Variants in MYO7A observed in about 807,000 individuals in gnomAD.
The protein encoded by MYO7A is myosin VIIA.
Under a neutral mutation model 263.8 loss-of-function variants are expected in MYO7A, and 210 were observed. The observed-to-expected ratio is 0.80, with a 90% CI of 0.71 to 0.89. The LOEUF is 0.89. Among genes scored for constraint, MYO7A ranks in the 40% least tolerant of loss-of-function variants. The pLI is 0.00. For synonymous variants in MYO7A, 1,239 were observed against 1,197.3 expected, an observed-to-expected ratio of 1.03 and a Z score of -0.72; for missense variants, 2,820 against 2,968.3, an observed-to-expected ratio of 0.95 and a Z score of 1.16.
chr11:77,194,001 C>G (rs1340779283), intron 31 of MYO7A: 1 of 502,338 alleles, frequency 2.0e-6, no homozygotes, highest in African/African-American at 1.9e-5. Flanking sequence ...TCCTCTTCTG[C>G]TGTTTGTCAG....
chr11:77,204,283 C>T, intron 39 of MYO7A, 54 bp downstream of exon 39: 4 of 1,541,678 alleles, frequency 2.6e-6, no homozygotes, highest in Non-Finnish European at 3.5e-6. Flanking sequence ...CTGTGACGGG[C>T]AGCTCTTACC....
intron 17 of MYO7A, 107 bp downstream of exon 17, chr11:77,175,021 G>T (rs781997987): frequency 1.6e-5 from 23 of 1,398,028 alleles, no homozygotes; most frequent in Non-Finnish European, 2.1e-5. Flanking sequence ...ACATCTGCTT[G>T]ACCTCTCAGG....
rs1384012283 is a variant in MYO7A at position 77,138,877 on chromosome 11, G to A, written c.19-3832G>A. ...TCTGTGAAAATGGGGTGATAAAACC[G>A]GTGTCCCAGAGTGATCATGAAGATA... On this transcript the variant is annotated intron_variant, in intron 2 of 48. Transcript: ENST00000409709. This position sits in a 1 kb window ranked among gnomAD's most constrained non-coding sequence, Gnocchi z 4.9. Among the ~76,000 whole-genome samples the A allele has an allele frequency of 2.6e-5, 4 of 152,216 alleles. No individual in the cohort carries two copies. The highest frequency in any genetic ancestry group is 2.6e-4 in the Admixed American group (4 of 15,292).
In MYO7A at chr11:77,138,235, T is replaced by G. The variant is rs1950986569; in HGVS notation, c.19-4474T>G. On this transcript the variant is annotated intron_variant, in intron 2 of 48. Coordinates refer to ENST00000409709, the MANE Select transcript of MYO7A (RefSeq NM_000260.4). The surrounding 1 kb of genome is among the most constrained non-coding windows in gnomAD (Gnocchi z 4.9). ...CGCAGCAGATGGCCCGGTTTAGGGTTCCGGGGCGGGCGGCGCGCACGGGAT... is the reference window on the plus strand; with the variant it reads ...CGCAGCAGATGGCCCGGTTTAGGGTGCCGGGGCGGGCGGCGCGCACGGGAT... Among the ~76,000 whole-genome samples the G allele has an allele frequency of 6.6e-6, 1 of 151,818 alleles. No homozygotes were observed. Among genetic ancestry groups the G allele is most frequent in the South Asian group, 2.1e-4 (1 of 4,818 alleles).
chr11:77,189,147 C>T (rs189826230), intron 27 of MYO7A, among the ~76,000 whole-genome samples, 197 bp from the exon 28 acceptor site: 97 of 152,266 alleles, frequency 6.4e-4, no homozygotes, highest in Admixed American at 8.5e-4. Context: ...GCTTTATGCC[C>T]GATGATCCTG....
chr11:77,205,173 G>T (rs1046808653), intron 39 of MYO7A, among the ~76,000 whole-genome samples: 1 of 152,210 alleles, frequency 6.6e-6, no homozygotes, highest in Admixed American at 6.5e-5. Flanking sequence ...ATGGTAACCC[G>T]GTGGCTTTTC....
At chr11:77,140,258 GTC>G (rs1951126767) in intron 2 of MYO7A, among the ~76,000 whole-genome samples, 1 of 152,194 alleles carries the variant, frequency 6.6e-6, no homozygotes, top group Non-Finnish European at 1.5e-5. Flanking sequence ...CTCAGCCTAA[GTC>G]TCCAGCTTGC....
intron 15 of MYO7A, among the ~76,000 whole-genome samples, chr11:77,170,542 G>T (rs1393350284): frequency 2.0e-5 from 3 of 152,204 alleles, no homozygotes; most frequent in Non-Finnish European, 2.9e-5. Flanking sequence ...ATGTGATTTT[G>T]TTCCTCACTT....
At chr11:77,193,364 A>G (rs947346628) in intron 31 of MYO7A, among the ~76,000 whole-genome samples, 3 of 143,554 alleles carry the variant, frequency 2.1e-5, no homozygotes, top group African/African-American at 5.3e-5. Context: ...GGTGTTGACA[A>G]TGACAGTGTT....
intron 9 of MYO7A, among the ~76,000 whole-genome samples, chr11:77,159,198 G>A (rs547845824): frequency 3.9e-4 from 59 of 152,322 alleles, no homozygotes; most frequent in African/African-American, 9.9e-4. Flanking sequence ...TCTATTCCTC[G>A]AATGCCAGGC....
chr11:77,149,778 C>G (rs549261493), intron 4 of MYO7A, among the ~76,000 whole-genome samples: 1 of 152,234 alleles, frequency 6.6e-6, no homozygotes, highest in East Asian at 1.9e-4. Flanking sequence ...ACTGACAAAG[C>G]CCCTCTCACT....
chr11:77,131,013 A>C lies in MYO7A; in HGVS notation c.18+361A>C, dbSNP rs115187245. ...CAGGCCAGGAAGGGCCCTGAGCCCA[A>C]CTTATTCTTAGGGCCTTGGGGAGCA... On this transcript the variant is annotated intron_variant, in intron 2 of 48. Coordinates refer to ENST00000409709, the MANE Select transcript of MYO7A (RefSeq NM_000260.4). Among the ~76,000 whole-genome samples the C allele has an allele frequency of 3.2e-3, 484 of 152,186 alleles. 5 individuals are homozygous for C. Among genetic ancestry groups the C allele is most frequent in the African/African-American group, 0.011 (467 of 41,532 alleles).
At position 77,202,415 on chromosome 11, in the gene MYO7A, A is replaced by G; in HGVS notation, c.5159A>G (p.Asp1720Gly). 6.4e-7 allele frequency: 1 copy of G among 1,551,948 alleles called. No individual in the cohort carries two copies. The highest frequency in any genetic ancestry group is 8.7e-7 in the Non-Finnish European group (1 of 1,147,376). Reference protein sequence around the residue: ...KPYTLEEFSYDYFRPPPKHTL... With the variant: ...KPYTLEEFSYGYFRPPPKHTL... The stretch of plus-strand genomic sequence containing the variant: ...TACACGCTGGAGGAGTTTTCCTATG[A>G]CTACTTCAGGTGATGCCTCCTGGGG... The change falls in exon 37 of 49, where the codon GAC (aspartate) becomes GGC (glycine). Residue 1720 changes from aspartate to glycine, a missense_variant. Transcript: ENST00000409709.
chr11:77,174,732 T>G (rs1178036049), intron 16 of MYO7A, 24 bp from the exon 17 acceptor site: 5 of 1,558,304 alleles, frequency 3.2e-6, no homozygotes, highest in Non-Finnish European at 3.5e-6. Flanking sequence ...TTGGCCCTGA[T>G]GCCCTTGGCT....
At chr11:77,202,195 C>A in intron 36 of MYO7A, 105 bp from the exon 37 acceptor site, 1 of 1,392,852 alleles carries the variant, frequency 7.2e-7, no homozygotes, top group East Asian at 2.5e-5. Context: ...GGGTCCATAC[C>A]CCTGAAGAGT....
chr11:77,212,940 C>G lies in MYO7A; in HGVS notation c.6355-12C>G, dbSNP rs868815276. On this transcript the variant is annotated splice_polypyrimidine_tract_variant and intron_variant, in intron 46 of 48. Transcript: ENST00000409709. ...GGGCCCCCATCTGATGCCTTCTCAT[C>G]TTTTTTTCTAGCAAACTACGGAGCC... The G allele has an allele frequency of 1.0e-5, 16 of 1,579,796 alleles. No homozygotes were observed. The Middle Eastern group carries it at 8.3e-4, about 82-fold the overall frequency.
At chr11:77,172,952 T>A (rs2135408931) in intron 16 of MYO7A, 67 bp downstream of exon 16, 1 of 1,497,622 alleles carries the variant, frequency 6.7e-7, no homozygotes, top group South Asian at 1.3e-5. Flanking sequence ...AGGTCAAGAA[T>A]AAGGTAGGGT....
chr11:77,180,534 TC>T, intron 22 of MYO7A, 53 bp downstream of exon 22: 2 of 1,508,918 alleles, frequency 1.3e-6, no homozygotes, highest in South Asian at 1.2e-5. Context: ...GCTTGTCCCC[TC>T]CCCGAGGCTG....
At chr11:77,145,349 ACT>A (rs1291539285) in intron 3 of MYO7A, among the ~76,000 whole-genome samples, 5 of 152,086 alleles carry the variant, frequency 3.3e-5, no homozygotes, top group Non-Finnish European at 5.9e-5. Context: ...AGGGATTCTT[ACT>A]CTCATTCCCA....
Sources: gnomAD v4.1 joint callset for allele counts (sites outside exome capture counted in the v4.1 genomes callset) on GRCh38, gnomAD v4.1.1 for gene constraint, Gnocchi (gnomAD v3.1) non-coding constraint, MANE v1.5 for transcripts, NCBI Gene and HGNC (gene_info 2026-07-23, HGNC 2026-07-21) for gene names.